The following CCDC149 variants were observed in gnomAD, a reference collection of about 807,000 sequenced individuals.
CCDC149 encodes coiled-coil domain-containing protein 149.
Under a neutral mutation model 59.9 loss-of-function variants are expected in CCDC149, and 45 were observed. The ratio of observed to expected loss-of-function variants is 0.75; its 90% CI spans 0.59 to 0.96. The LOEUF (loss-of-function observed/expected upper bound fraction) is 0.96. Ranked by LOEUF, CCDC149 falls within the 40% of genes least tolerant of loss-of-function variation. CCDC149 has a pLI of 0.00. For synonymous variants in CCDC149, 245 were observed against 260.6 expected, an observed-to-expected ratio of 0.94 and a Z score of 0.58; for missense variants, 584 against 664.7, an observed-to-expected ratio of 0.88 and a Z score of 1.33.
intron 1 of CCDC149, among the ~76,000 whole-genome samples, chr4:24,876,907 G>A (rs578176339): frequency 1.3e-5 from 2 of 152,118 alleles, no homozygotes; most frequent in South Asian, 2.1e-4. Flanking sequence ...CCTAAACCTT[G>A]GACAAGTAAG....
intron 4 of CCDC149, among the ~76,000 whole-genome samples, chr4:24,852,734 T>C (rs1458760681): frequency 6.6e-6 from 1 of 152,158 alleles, no homozygotes; most frequent in Non-Finnish European, 1.5e-5. Context: ...GAGCCACAAA[T>C]CCATTATTTG....
At chr4:24,835,379 T>G (rs1273365472) in intron 7 of CCDC149, among the ~76,000 whole-genome samples, 1 of 152,060 alleles carries the variant, frequency 6.6e-6, no homozygotes, top group Non-Finnish European at 1.5e-5. Context: ...TGAATAGACA[T>G]GAGATGGTGA....
intron 1 of CCDC149, among the ~76,000 whole-genome samples, chr4:24,943,022 T>C (rs1287320499): frequency 6.6e-6 from 1 of 151,426 alleles, no homozygotes; most frequent in Non-Finnish European, 1.5e-5. Flanking sequence ...ACCAATGACT[T>C]TCTTCACAGA....
chr4:24,939,060 A>T (rs1462751280), intron 1 of CCDC149, among the ~76,000 whole-genome samples: 1 of 152,216 alleles, frequency 6.6e-6, no homozygotes, highest in Admixed American at 6.5e-5. Flanking sequence ...TTCTCCCAGC[A>T]TGCAGCTTGA....
chr4:24,814,114 A>G (rs554207057), intron 12 of CCDC149, among the ~76,000 whole-genome samples: 1 of 152,308 alleles, frequency 6.6e-6, no homozygotes, highest in South Asian at 2.1e-4. Context: ...TTTTGACCAA[A>G]TCTACTTTAT....
intron 1 of CCDC149, among the ~76,000 whole-genome samples, chr4:24,878,908 G>A (rs553373154): frequency 3.9e-5 from 6 of 152,256 alleles, no homozygotes; most frequent in East Asian, 3.9e-4. Flanking sequence ...CACAAGGCAC[G>A]GTCCAAATAG....
chr4:24,909,020 A>C (rs1721717212), intron 1 of CCDC149, among the ~76,000 whole-genome samples: 1 of 152,190 alleles, frequency 6.6e-6, no homozygotes, highest in Non-Finnish European at 1.5e-5. Flanking sequence ...CCAGACATTT[A>C]ATTTCCAAAA....
At chr4:24,903,491 G>C (rs943760609) in intron 1 of CCDC149, among the ~76,000 whole-genome samples, 1 of 152,140 alleles carries the variant, frequency 6.6e-6, no homozygotes, top group Non-Finnish European at 1.5e-5. Flanking sequence ...TGATGGGCTC[G>C]GGAATTAGAG....
At chr4:24,866,823 C>CCACACACACACACACCCA (rs1718727606) in intron 3 of CCDC149, among the ~76,000 whole-genome samples, 1 of 142,180 alleles carries the variant, frequency 7.0e-6, no homozygotes, top group Admixed American at 7.1e-5. Context: ...ACACACACAC[C>CCACACACACACACACCCA]CACACACACA....
intron 1 of CCDC149, among the ~76,000 whole-genome samples, chr4:24,899,344 G>A (rs2109302982): frequency 6.6e-6 from 1 of 152,312 alleles, no homozygotes; most frequent in Non-Finnish European, 1.5e-5. Context: ...ATAGGAAAGT[G>A]TATACAGAAG....
At position 24,808,607 on chromosome 4, in the gene CCDC149, C is replaced by T; in HGVS notation, c.1405G>A (p.Ala469Thr). ...CTGACCTCTTCCAGTTCTGCAGCTG[C>T]CTGTTCCTTTGTCAGTTTAATTATT... The change falls in exon 13 of 13, where the codon GCA becomes ACA. Residue 469 changes from alanine (A) to threonine (T), a missense_variant. Coordinates refer to ENST00000635206, the MANE Select transcript of CCDC149 (RefSeq NM_001330643.2). The T allele has an allele frequency of 1.3e-6, 2 of 1,552,256 alleles. No individual in the cohort carries two copies. The highest frequency in any genetic ancestry group is 2.7e-5 in the African/African-American group (2 of 73,170).
At chr4:24,900,974 G>C (rs751966045) in intron 1 of CCDC149, among the ~76,000 whole-genome samples, 1 of 152,192 alleles carries the variant, frequency 6.6e-6, no homozygotes, top group East Asian at 1.9e-4. Context: ...GAAGAGGCTC[G>C]AACACCAGGT....
chr4:24,957,676 G>A (rs1210133884), intron 1 of CCDC149, among the ~76,000 whole-genome samples: 1 of 152,216 alleles, frequency 6.6e-6, no homozygotes, highest in Admixed American at 6.5e-5. Flanking sequence ...TATAAATAAA[G>A]TTTTATGAGA....
chr4:24,872,850 C>T (rs1719130352), intron 3 of CCDC149, among the ~76,000 whole-genome samples: 1 of 151,490 alleles, frequency 6.6e-6, no homozygotes, highest in Admixed American at 6.6e-5. Context: ...TATACAGCCA[C>T]AGAATGATAG....
intron 4 of CCDC149, among the ~76,000 whole-genome samples, chr4:24,843,013 A>T (rs528009148): frequency 3.5e-5 from 4 of 113,046 alleles, no homozygotes; most frequent in African/African-American, 1.6e-4. Context: ...TGACTTGTTT[A>T]AAAAAAAAAA....
intron 12 of CCDC149, among the ~76,000 whole-genome samples, chr4:24,815,510 T>C (rs1418112670): frequency 6.6e-6 from 1 of 152,200 alleles, no homozygotes; most frequent in Non-Finnish European, 1.5e-5. Context: ...ACGAGTACAC[T>C]CCTTCTGGAA....
Position 24,837,051 on chromosome 4 carries a change from T to C in CCDC149, c.662+177A>G, listed in dbSNP as rs1320556592. The stretch of plus-strand genomic sequence containing the variant: ...ACTGTGTAGGTGTGGGCTGCTTTCC[T>C]TTTTCACTTTTGCAACTAATACATG... On this transcript the variant is annotated intron_variant, in intron 6 of 12. Transcript: ENST00000635206. This position sits in a 1 kb window ranked among gnomAD's most constrained non-coding sequence, Gnocchi z 4.3. Among the ~76,000 whole-genome samples the C allele has an allele frequency of 6.6e-6, 1 of 151,282 alleles. No individual in the cohort carries two copies. The highest frequency in any genetic ancestry group is 2.0e-4 in the East Asian group (1 of 5,120).
At chr4:24,853,587 CAAAAAAAAAAA>C (rs11291619) in intron 3 of CCDC149, among the ~76,000 whole-genome samples, 1 of 92,370 alleles carries the variant, frequency 1.1e-5, no homozygotes, top group South Asian at 3.6e-4. Context: ...GACTCCATTT[CAAAAAAAAAAA>C]AAAAAAAAGA....
At position 24,912,896 on chromosome 4, in the gene CCDC149, T is replaced by G; in HGVS notation, c.-17A>C. 7.6e-7 allele frequency: 1 copy of G among 1,321,682 alleles called. No individual in the cohort carries two copies. The highest frequency in any genetic ancestry group is 9.8e-7 in the Non-Finnish European group (1 of 1,017,216). The allele number at this position is 1,321,682 out of a possible 1,614,324, so 81.9% of individuals were successfully genotyped here. ...CTCCTCCATGCGCTGGCCGGCCTCC[T>G]GGACCCCCGCCGCCTCCTCCTCCTC... On this transcript the variant is annotated 5_prime_UTR_variant, in exon 1 of 13. Transcript: ENST00000635206.
Sources: allele counts gnomAD v4.1 joint callset (sites outside exome capture counted in the v4.1 genomes callset), GRCh38; gene constraint gnomAD v4.1.1; non-coding constraint Gnocchi (gnomAD v3.1); transcripts MANE v1.5; gene names NCBI Gene and HGNC (gene_info 2026-07-23, HGNC 2026-07-21).